The following PLCH1 variants were observed in gnomAD, a reference collection of about 807,000 sequenced individuals.
PLCH1 encodes the protein phospholipase C eta 1, also known as 1-phosphatidylinositol 4,5-bisphosphate phosphodiesterase eta-1.
In PLCH1, 60 loss-of-function variants were observed where a neutral mutation model predicts 126.7. The observed-to-expected ratio is 0.47, with a 90% CI of 0.38 to 0.59. The LOEUF is 0.59. Among genes scored for constraint, PLCH1 ranks in the 20% least tolerant of loss-of-function variants. The pLI, the probability that PLCH1 is intolerant of heterozygous loss-of-function variation, is 0.00. For missense variants in PLCH1, 1,723 were observed against 2,040.0 expected, an observed-to-expected ratio of 0.84 and a Z score of 2.99; for synonymous variants, 719 against 734.9, an observed-to-expected ratio of 0.98 and a Z score of 0.35.
intron 1 of PLCH1, among the ~76,000 whole-genome samples, chr3:155,728,399 T>C (rs1748504019): frequency 1.3e-5 from 2 of 152,184 alleles, no homozygotes; most frequent in Non-Finnish European, 2.9e-5. Flanking sequence ...ATTTTGCAAG[T>C]ATTATTTTAT....
intron 5 of PLCH1, among the ~76,000 whole-genome samples, chr3:155,584,936 T>TG (rs536420388): frequency 1.5e-3 from 223 of 152,008 alleles, no homozygotes; most frequent in African/African-American, 5.1e-3. Context: ...AGACAGGAGG[T>TG]GGGGCTCACA....
At chr3:155,517,348 A>G (rs942804376) in intron 11 of PLCH1, among the ~76,000 whole-genome samples, 38 of 152,184 alleles carry the variant, frequency 2.5e-4, no homozygotes, top group African/African-American at 9.2e-4. Flanking sequence ...GACCAATTTA[A>G]CAAATTGCTA....
At chr3:155,595,997 A>T (rs1011413568) in intron 3 of PLCH1, among the ~76,000 whole-genome samples, 1 of 148,906 alleles carries the variant, frequency 6.7e-6, no homozygotes, top group African/African-American at 2.5e-5. Flanking sequence ...TATATATATC[A>T]TGTCTCCAAC....
At chr3:155,555,835 T>C (rs940742406) in intron 8 of PLCH1, among the ~76,000 whole-genome samples, 1 of 152,186 alleles carries the variant, frequency 6.6e-6, no homozygotes, top group Non-Finnish European at 1.5e-5. Context: ...CTTTTCCTTA[T>C]GGCAAGAGGT....
rs1314955558 is a variant in PLCH1 at position 155,481,270 on chromosome 3, T to C, written c.4756A>G (p.Lys1586Glu). 3 of 1,614,222 alleles carry C rather than the reference T, an allele frequency of 1.9e-6. No homozygotes were observed. Among genetic ancestry groups the C allele is most frequent in the South Asian group, 2.2e-5 (2 of 91,090 alleles). ...TGCTTGTTGGCTTCCTGTTTCTCCT[T>C]GGCACGACTAGCAATATTGCGCACT... The part of the protein sequence containing the change: ...SRVRNIASRA[K>E]EKQEANKQKV... Residue 1586 changes from lysine (K) to glutamate (E), a missense_variant, in exon 23 of 23, where the codon AAG becomes GAG. This residue lies in a region of PLCH1 where 947 missense variants were observed against 977.1 expected (regional missense o/e 0.97). Transcript: ENST00000460012. The surrounding 1 kb of genome is among the most constrained non-coding windows in gnomAD (Gnocchi z 4.2).
At position 155,490,803 on chromosome 3, in the gene PLCH1, G is replaced by A. The variant is rs762437420; in HGVS notation, c.2373C>T (p.Thr791=). Residue 791 remains threonine, a synonymous_variant, in exon 19 of 23, where the codon ACC becomes ACT. Coordinates refer to ENST00000460012, the MANE Select transcript of PLCH1 (RefSeq NM_014996.4). ...TCTTACCATTGTCATCTACCACACG[G>A]GTTTGATCTTTACAACAATCTACTG... ...GLPVDCCKDQ[T]RVVDDNGFNP... 6.3e-6 allele frequency: 10 copies of A among 1,583,140 alleles called. No homozygotes were observed. Among genetic ancestry groups the A allele is most frequent in the Non-Finnish European group, 8.7e-6 (10 of 1,152,422 alleles).
chr3:155,499,109 G>A (rs1307465114), intron 14 of PLCH1, among the ~76,000 whole-genome samples: 2 of 152,232 alleles, frequency 1.3e-5, no homozygotes, highest in East Asian at 3.8e-4. Flanking sequence ...AAGTATCATA[G>A]TGGGTGTGAA....
chr3:155,539,836 T>C (rs901186063), intron 10 of PLCH1, among the ~76,000 whole-genome samples: 2 of 152,122 alleles, frequency 1.3e-5, no homozygotes, highest in South Asian at 2.1e-4. Flanking sequence ...ATAAATTCTA[T>C]GTAATCCCTA....
At chr3:155,743,427 G>T (rs565952697) in intron 1 of PLCH1, 40 of 390,710 alleles carry the variant, frequency 1.0e-4, no homozygotes, top group African/African-American at 8.1e-4. Flanking sequence ...AGATACTCGG[G>T]AGGCTGAGGC....
At chr3:155,452,320 T>C (rs76200256) in intron 21 of PLCH1, among the ~76,000 whole-genome samples, 1 of 152,132 alleles carries the variant, frequency 6.6e-6, no homozygotes, top group South Asian at 2.1e-4. Context: ...ATGCTTCAAA[T>C]TATCTCCCAC....
chr3:155,736,312 A>G (rs1385883401), intron 1 of PLCH1, among the ~76,000 whole-genome samples: 1 of 152,234 alleles, frequency 6.6e-6, no homozygotes, highest in African/African-American at 2.4e-5. Flanking sequence ...ACCTATTTAA[A>G]AGGAGAAAAG....
chr3:155,655,950 A>G (rs981466604), intron 2 of PLCH1, among the ~76,000 whole-genome samples: 2 of 152,152 alleles, frequency 1.3e-5, no homozygotes, highest in African/African-American at 4.8e-5. Context: ...CCAAGGAAGA[A>G]AAGAATGAGA....
intron 10 of PLCH1, among the ~76,000 whole-genome samples, chr3:155,548,565 T>C (rs979684642): frequency 4.6e-5 from 7 of 152,232 alleles, no homozygotes; most frequent in Non-Finnish European, 8.8e-5. Context: ...TTCAATCAAA[T>C]GAATTTATTC....
At chr3:155,519,563 A>T (rs59992845) in intron 11 of PLCH1, among the ~76,000 whole-genome samples, 7 of 151,886 alleles carry the variant, frequency 4.6e-5, no homozygotes, top group Non-Finnish European at 1.0e-4. Context: ...CCTTGAAAGG[A>T]ACCTTCCAAA....
At chr3:155,484,664 T>C (rs1714736155) in intron 22 of PLCH1, among the ~76,000 whole-genome samples, 1 of 152,148 alleles carries the variant, frequency 6.6e-6, no homozygotes, top group African/African-American at 2.4e-5. Context: ...CCAACATCAG[T>C]CAAAAATTCT....
At chr3:155,489,539 T>C (rs576037906) in intron 19 of PLCH1, among the ~76,000 whole-genome samples, 1 of 152,226 alleles carries the variant, frequency 6.6e-6, no homozygotes, top group African/African-American at 2.4e-5. Context: ...CAAGGCCTTA[T>C]AGTTAGTGAC....
intron 21 of PLCH1, among the ~76,000 whole-genome samples, chr3:155,468,449 G>T (rs192005809): frequency 1.4e-3 from 215 of 152,206 alleles, no homozygotes; most frequent in African/African-American, 5.0e-3. Context: ...AAGACAGACT[G>T]GCTGAATAAT....
chr3:155,467,971 C>G (rs1712994555), intron 21 of PLCH1, among the ~76,000 whole-genome samples: 1 of 152,190 alleles, frequency 6.6e-6, no homozygotes, highest in Non-Finnish European at 1.5e-5. Flanking sequence ...AACACCATAA[C>G]TGTGTTTTGT....
chr3:155,559,152 G>C (rs1052377443), intron 8 of PLCH1, among the ~76,000 whole-genome samples: 1 of 152,168 alleles, frequency 6.6e-6, no homozygotes, highest in Non-Finnish European at 1.5e-5. Flanking sequence ...CTGGAGAACA[G>C]TGCAATTCAA....
Sources: gnomAD v4.1 joint callset for allele counts (sites outside exome capture counted in the v4.1 genomes callset) on GRCh38, gnomAD v4.1.1 for gene constraint, gnomAD v4.1.1 regional missense constraint, Gnocchi (gnomAD v3.1) non-coding constraint, MANE v1.5 for transcripts, NCBI Gene and HGNC (gene_info 2026-07-23, HGNC 2026-07-21) for gene names.